Variants in RFX6 observed in about 807,000 individuals in gnomAD.
RFX6 encodes the protein regulatory factor X6.
Under a neutral mutation model 110.8 loss-of-function variants are expected in RFX6, and 50 were observed. That is an observed-to-expected ratio of 0.45 (90% CI 0.36 to 0.57). The LOEUF is 0.57. Among genes scored for constraint, RFX6 ranks in the 20% least tolerant of loss-of-function variants. RFX6 has a pLI of 0.00. For missense variants in RFX6, 990 were observed against 1,127.0 expected, an observed-to-expected ratio of 0.88 and a Z score of 1.74; for synonymous variants, 383 against 411.2, an observed-to-expected ratio of 0.93 and a Z score of 0.83.
chr6:116,877,462 G>C lies in RFX6; in HGVS notation c.187G>C (p.Gly63Arg). The change falls in exon 1 of 19, where the codon GGC becomes CGC. Residue 63 changes from glycine to arginine, a missense_variant. Physicochemically the swap from Gly to Arg is moderately radical, Grantham distance 125. Transcript: ENST00000332958. The stretch of plus-strand genomic sequence containing the variant: ...GGGCGAGCAGGGCGGCGGGGAGAAA[G>C]GCGAAGACCCGGAGCTGCCGGGGGC... ...PGGEQGGGEKGEDPELPGAVK... is the reference protein window; with the variant it reads ...PGGEQGGGEKREDPELPGAVK... 1 of 1,570,594 alleles carries C rather than the reference G, an allele frequency of 6.4e-7. No homozygotes were observed. Among genetic ancestry groups the C allele is most frequent in the South Asian group, 1.2e-5 (1 of 85,674 alleles).
At chr6:116,884,627 G>C (rs534246022) in intron 4 of RFX6, among the ~76,000 whole-genome samples, 1 of 152,128 alleles carries the variant, frequency 6.6e-6, no homozygotes, top group Non-Finnish European at 1.5e-5. Context: ...AAAAGAGGCC[G>C]AGCAATGAAG....
rs756368678 is a variant in RFX6 at position 116,877,265 on chromosome 6, C to T, written c.-11C>T. ...GAGCGGCGCGCGCGGAGGTGTCCGG[C>T]GGCCAGGAGGATGGCCAAGGTCCCG... On this transcript the variant is annotated 5_prime_UTR_variant, in exon 1 of 19. Coordinates refer to ENST00000332958, the MANE Select transcript of RFX6 (RefSeq NM_173560.4). 15 of 1,597,010 alleles carry T rather than the reference C, an allele frequency of 9.4e-6. No homozygotes were observed. In the Middle Eastern group the frequency reaches 1.9e-3, roughly 201 times the overall value.
Position 116,927,551 on chromosome 6 carries a change from T to A in RFX6, c.2398+12T>A, listed in dbSNP as rs200231251. On this transcript the variant is annotated intron_variant, in intron 17 of 18. Transcript: ENST00000332958. ...TAATTCACCAAATGGTATTGATATT[T>A]AAAAGAATTTTTCTTGGTTTTTGAG... 2 of 1,610,228 alleles carry A rather than the reference T, an allele frequency of 1.2e-6. No homozygotes were observed. Among genetic ancestry groups the A allele is most frequent in the Non-Finnish European group, 8.5e-7 (1 of 1,179,654 alleles).
At chr6:116,900,246 A>C (rs573386884) in intron 6 of RFX6, among the ~76,000 whole-genome samples, 5 of 152,022 alleles carry the variant, frequency 3.3e-5, no homozygotes, top group African/African-American at 1.2e-4. Context: ...TTTTGTATGG[A>C]TTTTGTATGA....
At chr6:116,929,182 A>G (rs1244481469) in intron 18 of RFX6, among the ~76,000 whole-genome samples, 1 of 152,140 alleles carries the variant, frequency 6.6e-6, no homozygotes, top group Non-Finnish European at 1.5e-5. Flanking sequence ...CTATTATGCA[A>G]CCTACTGCTA....
chr6:116,905,885 A>C (rs1775191050), intron 6 of RFX6, among the ~76,000 whole-genome samples: 1 of 151,978 alleles, frequency 6.6e-6, no homozygotes, highest in Non-Finnish European at 1.5e-5. Flanking sequence ...TTTTGTTGTT[A>C]CCTGTGTTTT....
Position 116,924,604 on chromosome 6 carries a change from C to A in RFX6, c.1556-65C>A. ...GATAACTGACTTCTCTTTCCCTTTC[C>A]TTCTCTTTCTCTCCCCTTTTTACAT... On this transcript the variant is annotated intron_variant, in intron 14 of 18. Coordinates refer to ENST00000332958, the MANE Select transcript of RFX6 (RefSeq NM_173560.4). 6 of 1,439,788 alleles carry A rather than the reference C, an allele frequency of 4.2e-6. No individual in the cohort carries two copies. The South Asian group carries it at 5.7e-5, about 14-fold the overall frequency. 89.2% of individuals were successfully genotyped at this position (1,439,788 alleles called of 1,614,324 possible). A position where few individuals can be genotyped will look rare whatever the true frequency, so the allele number is the denominator to read the frequency against.
Position 116,923,134 on chromosome 6 carries a change from A to G in RFX6, c.1465A>G (p.Lys489Glu). ...CAGCAAACAAAATGGAAGGTCATTA[A>G]AGAAGAGAGCTCAAGACTTTCTGTT... is the stretch of plus-strand genomic sequence containing the variant. ...KTSKQNGRSL[K>E]KRAQDFLLKW... Residue 489 changes from lysine (K) to glutamate (E), a missense_variant, in exon 14 of 19, where the codon AAG (lysine) becomes GAG (glutamate). Physicochemically the swap from Lys to Glu is moderately conservative, Grantham distance 56 (BLOSUM62 1). Transcript: ENST00000332958. 1 of 1,606,636 alleles carries G rather than the reference A, an allele frequency of 6.2e-7. No homozygotes were observed. The highest frequency in any genetic ancestry group is 8.5e-7 in the Non-Finnish European group (1 of 1,173,288).
intron 6 of RFX6, among the ~76,000 whole-genome samples, chr6:116,902,314 T>C (rs756237492): frequency 1.1e-3 from 169 of 152,146 alleles, no homozygotes; most frequent in South Asian, 3.7e-3. Context: ...TTATTATTTT[T>C]TCTCTATATC....
intron 2 of RFX6, 137 bp downstream of exon 2, chr6:116,878,089 C>A: frequency 1.1e-6 from 1 of 907,880 alleles, no homozygotes. Context: ...AGAATTTAAC[C>A]CAGAATTTTT....
intron 6 of RFX6, among the ~76,000 whole-genome samples, chr6:116,898,812 T>C (rs1775005954): frequency 6.6e-6 from 1 of 151,772 alleles, no homozygotes; most frequent in Admixed American, 6.6e-5. Flanking sequence ...GCAAAAATCA[T>C]GGAAAGAAAG....
In RFX6 at chr6:116,920,442, A is replaced by G; in HGVS notation, c.1315A>G (p.Ile439Val). 6.2e-7 allele frequency: 1 copy of G among 1,613,456 alleles called. No individual in the cohort carries two copies. The highest frequency in any genetic ancestry group is 2.2e-5 in the East Asian group (1 of 44,872). ...AGGCAGCACAGACACTGAATCTGGT[A>G]TCTACACTGAACGTAAGTCCATTCT... The part of the protein sequence containing the change: ...ISGSTDTESG[I>V]YTEHDSITVF... The change falls in exon 12 of 19, where the codon ATC becomes GTC. Residue 439 changes from isoleucine to valine, a missense_variant. This residue lies in a region of RFX6 where 45 missense variants were observed against 29.3 expected (regional missense o/e 1.53). Transcript: ENST00000332958.
chr6:116,910,790 A>G (rs1365288729), intron 6 of RFX6, 145 bp from the exon 7 acceptor site: 5 of 696,886 alleles, frequency 7.2e-6, no homozygotes, highest in African/African-American at 7.1e-5. Flanking sequence ...TACACAATCT[A>G]AACAGTCTAC....
At position 116,882,401 on chromosome 6, in the gene RFX6, G is replaced by A; in HGVS notation, c.539G>A (p.Arg180Lys). The change falls in exon 4 of 19, where the codon AGG becomes AAG. Residue 180 changes from arginine to lysine, a missense_variant. Arg to Lys is a conservative substitution (Grantham distance 26). Transcript: ENST00000332958. ...CAGAAGTTTCCCCTCCTAACAACAAGGCGGCTTGGAACAAGAGGCCATTCA... is the reference window on the plus strand; with the variant it reads ...CAGAAGTTTCCCCTCCTAACAACAAAGCGGCTTGGAACAAGAGGCCATTCA... ...IRQKFPLLTT[R>K]RLGTRGHSKY... The A allele has an allele frequency of 6.2e-7, 1 of 1,612,766 alleles. No homozygotes were observed. Among genetic ancestry groups the A allele is most frequent in the Non-Finnish European group, 8.5e-7 (1 of 1,179,064 alleles).
chr6:116,927,510 G>A lies in RFX6; in HGVS notation c.2369G>A (p.Gly790Glu), dbSNP rs57924353. ...AACACAGGAGCTGCCAGCTGCCAAG[G>A]AGCAACACTGCCTCCTAATTCACCA... ...LSNTGAASCQ[G>E]ATLPPNSPNG... Residue 790 changes from glycine to glutamate, a missense_variant, in exon 17 of 19, where the codon GGA (glycine) becomes GAA (glutamate). This residue lies in a region of RFX6 where 438 missense variants were observed against 441.9 expected (regional missense o/e 0.99). Coordinates refer to ENST00000332958, the MANE Select transcript of RFX6 (RefSeq NM_173560.4). 2.4e-4 allele frequency: 391 copies of A among 1,613,820 alleles called. No individual in the cohort carries two copies. The African/African-American group carries it at 4.6e-3, about 19-fold the overall frequency.
At chr6:116,890,912 C>G (rs1582514055) in intron 4 of RFX6, among the ~76,000 whole-genome samples, 1 of 152,046 alleles carries the variant, frequency 6.6e-6, no homozygotes, top group East Asian at 1.9e-4. Flanking sequence ...ATAATATAAT[C>G]ATTTATAACA....
chr6:116,910,141 T>A (rs1241613075), intron 6 of RFX6, among the ~76,000 whole-genome samples: 1 of 152,174 alleles, frequency 6.6e-6, no homozygotes, highest in Non-Finnish European at 1.5e-5. Context: ...AATTTCATTA[T>A]TTCCCCAAAC....
chr6:116,930,864 G>A (rs544332802), intron 18 of RFX6, among the ~76,000 whole-genome samples: 5 of 152,094 alleles, frequency 3.3e-5, no homozygotes. Flanking sequence ...CAAGGGTATC[G>A]GAAGCCACTA....
At chr6:116,880,396 A>T (rs182402057) in intron 2 of RFX6, 148 bp from the exon 3 acceptor site, 103 of 710,954 alleles carry the variant, frequency 1.4e-4, no homozygotes, top group Non-Finnish European at 5.3e-5. Context: ...TTTGATTTTT[A>T]AAAAATATCC....
Sources: allele counts gnomAD v4.1 joint callset (sites outside exome capture counted in the v4.1 genomes callset), GRCh38; gene constraint gnomAD v4.1.1; regional missense constraint gnomAD v4.1.1; transcripts MANE v1.5; gene names NCBI Gene and HGNC (gene_info 2026-07-23, HGNC 2026-07-21).